LBH: variants seen among roughly 807,000 people sequenced by gnomAD.
LBH encodes LBH regulator of Wnt signaling pathway, also known as protein LBH.
Under a neutral mutation model 12.5 loss-of-function variants are expected in LBH, and 7 were observed. The ratio of observed to expected loss-of-function variants is 0.56; its 90% CI spans 0.32 to 1.05. The LOEUF (loss-of-function observed/expected upper bound fraction) is 1.05. Among genes scored for constraint, LBH ranks in the 50% least tolerant of loss-of-function variants. The pLI, the probability that LBH is intolerant of heterozygous loss-of-function variation, is 0.04. For synonymous variants in LBH, 51 were observed against 50.1 expected, an observed-to-expected ratio of 1.02 and a Z score of -0.08; for missense variants, 119 against 138.9, an observed-to-expected ratio of 0.86 and a Z score of 0.72.
chr2:30,254,281 T>C (rs13027149), intron 2 of LBH, among the ~76,000 whole-genome samples: 36,058 of 152,148 alleles, frequency 0.24, 4,696 homozygotes, highest in Middle Eastern at 0.32. Flanking sequence ...ATTATAACAC[T>C]ATACTGCAAC....
At chr2:30,248,409 G>A (rs1055196158) in intron 2 of LBH, among the ~76,000 whole-genome samples, 31 of 152,352 alleles carry the variant, frequency 2.0e-4, no homozygotes, top group African/African-American at 6.5e-4. Context: ...TGGAAGCTAC[G>A]TGGTGGGGGT....
chr2:30,241,087 G>T (rs1262277273), intron 2 of LBH, among the ~76,000 whole-genome samples: 1 of 152,176 alleles, frequency 6.6e-6, no homozygotes, highest in African/African-American at 2.4e-5. Flanking sequence ...GTTCAAACTG[G>T]ATTTAAGAGG....
intron 2 of LBH, among the ~76,000 whole-genome samples, chr2:30,253,020 C>A (rs1475130315): frequency 2.0e-5 from 3 of 152,216 alleles, no homozygotes; most frequent in African/African-American, 7.2e-5. Context: ...GAAGCAGTTT[C>A]TTTTGGGAAC....
chr2:30,232,548 A>G, intron 1 of LBH: 1 of 202,886 alleles, frequency 4.9e-6, no homozygotes, highest in Non-Finnish European at 9.9e-6. Flanking sequence ...GGGTTAGAGG[A>G]GAAGCGGCCG....
intron 2 of LBH, among the ~76,000 whole-genome samples, chr2:30,248,478 T>C (rs1431221555): frequency 6.6e-6 from 1 of 152,056 alleles, no homozygotes; most frequent in Non-Finnish European, 1.5e-5. Context: ...TATTCAAGAT[T>C]TGTGTTTCCA....
At position 30,257,824 on chromosome 2, in the gene LBH, GC is replaced by G. The variant is rs1193310235; in HGVS notation, c.*206del. ...TTTTTGAAATTTGCCGAGCAGTGGAGCCCTCTGACAATTTGCAAGGCCCTCT... is the reference window on the plus strand; with the variant it reads ...TTTTTGAAATTTGCCGAGCAGTGGAGCCTCTGACAATTTGCAAGGCCCTCT... On this transcript the variant is annotated 3_prime_UTR_variant, in exon 3 of 3. Coordinates refer to ENST00000395323, the MANE Select transcript of LBH (RefSeq NM_030915.4). 2.3e-6 allele frequency: 1 copy of G among 443,070 alleles called. No individual in the cohort carries two copies. Among genetic ancestry groups the G allele is most frequent in the Non-Finnish European group, 3.9e-6 (1 of 254,024 alleles). 27.4% of individuals were successfully genotyped at this position (443,070 alleles called of 1,614,324 possible).
chr2:30,245,213 A>G (rs1476583507), intron 2 of LBH, among the ~76,000 whole-genome samples: 1 of 152,232 alleles, frequency 6.6e-6, no homozygotes, highest in Non-Finnish European at 1.5e-5. Flanking sequence ...GAAAGTAAGA[A>G]TACAAGATTT....
intron 2 of LBH, among the ~76,000 whole-genome samples, chr2:30,246,021 C>T (rs548167073): frequency 3.3e-5 from 5 of 151,396 alleles, no homozygotes; most frequent in Non-Finnish European, 7.4e-5. Context: ...TGCAGTGGTG[C>T]CATCCCAGCT....
rs1678047293 is a variant in LBH, at chr2:30,254,591, T to TTCCTCCTCTCTTCCTCCTCC, written c.130-2835_130-2816dup. Among the ~76,000 whole-genome samples the TTCCTCCTCTCTTCCTCCTCC allele has an allele frequency of 2.6e-5, 4 of 151,062 alleles. No homozygotes were observed. In the East Asian group the frequency reaches 7.9e-4, roughly 30 times the overall value. ...CACCCCTCTCCTCCTCTTCGTCCTC[T>TTCCTCCTCTCTTCCTCCTCC]TCCTCCTCTCTTCCTCCTCCTCCTC... On this transcript the variant is annotated intron_variant, in intron 2 of 2. Coordinates refer to ENST00000395323, the MANE Select transcript of LBH (RefSeq NM_030915.4).
chr2:30,238,268 G>A (rs1285770085), intron 2 of LBH, among the ~76,000 whole-genome samples: 2 of 152,170 alleles, frequency 1.3e-5, no homozygotes, highest in African/African-American at 4.8e-5. Context: ...CACAGCAGCC[G>A]AGGCGTCTAC....
chr2:30,243,693 C>G (rs115612095), intron 2 of LBH, among the ~76,000 whole-genome samples: 8,016 of 152,004 alleles, frequency 0.053, 736 homozygotes, highest in African/African-American at 0.18. Context: ...ACATGCCCAG[C>G]TAGTTTTTGC....
At chr2:30,237,954 T>C (rs1350624717) in intron 2 of LBH, among the ~76,000 whole-genome samples, 2 of 152,194 alleles carry the variant, frequency 1.3e-5, no homozygotes, top group Non-Finnish European at 2.9e-5. Flanking sequence ...AGGATGTTGA[T>C]GTCCCTGATG....
chr2:30,236,105 G>A (rs1280689656), intron 2 of LBH, among the ~76,000 whole-genome samples: 1 of 152,206 alleles, frequency 6.6e-6, no homozygotes, highest in African/African-American at 2.4e-5. Flanking sequence ...TTTCGGTTCT[G>A]GGTTTTAGAT....
chr2:30,252,302 C>T (rs542985617), intron 2 of LBH, among the ~76,000 whole-genome samples: 10 of 152,264 alleles, frequency 6.6e-5, no homozygotes, highest in East Asian at 3.9e-4. Flanking sequence ...TGTTTGCTTC[C>T]GCTTCCACCA....
At chr2:30,242,219 C>T (rs1677802308) in intron 2 of LBH, among the ~76,000 whole-genome samples, 1 of 151,814 alleles carries the variant, frequency 6.6e-6, no homozygotes, top group South Asian at 2.1e-4. Flanking sequence ...TATACTGTTA[C>T]ATATATGTTA....
chr2:30,231,594 G>A lies in LBH; in HGVS notation c.-145G>A. The A allele has an allele frequency of 1.3e-6, 1 of 740,962 alleles. No homozygotes were observed. Among genetic ancestry groups the A allele is most frequent in the Admixed American group, 2.2e-5 (1 of 45,190 alleles). The allele number at this position is 740,962 out of a possible 1,614,324, so 45.9% of individuals were successfully genotyped here. ...ACCTTGCCGACGTCGCTAGCCGTGG[G>A]GCTGTCCTGGGAAGGCGGACGGCGA... On this transcript the variant is annotated 5_prime_UTR_variant, in exon 1 of 3. Transcript: ENST00000395323.
intron 2 of LBH, among the ~76,000 whole-genome samples, chr2:30,248,174 C>T (rs899162741): frequency 6.6e-6 from 1 of 152,166 alleles, no homozygotes; most frequent in East Asian, 1.9e-4. Flanking sequence ...TTGTTAGCCT[C>T]AATGCTGCAG....
chr2:30,257,532 G>A lies in LBH; in HGVS notation c.229G>A (p.Glu77Lys). The change falls in exon 3 of 3, where the codon GAG (glutamate) becomes AAG (lysine). Residue 77 changes from glutamate to lysine, a missense_variant. Coordinates refer to ENST00000395323, the MANE Select transcript of LBH (RefSeq NM_030915.4). ...EPTEGEVESG[E>K]LRWPPEEFLV... Reference sequence around the variant, plus strand: ...CACAGAAGGGGAGGTGGAGAGCGGGGAGCTCCGGTGGCCCCCTGAGGAGTT... The same window carrying A: ...CACAGAAGGGGAGGTGGAGAGCGGGAAGCTCCGGTGGCCCCCTGAGGAGTT... 6.2e-7 allele frequency: 1 copy of A among 1,614,214 alleles called. No individual in the cohort carries two copies. Among genetic ancestry groups the A allele is most frequent in the Non-Finnish European group, 8.5e-7 (1 of 1,180,038 alleles).
At chr2:30,245,527 A>C (rs1677856049) in intron 2 of LBH, among the ~76,000 whole-genome samples, 1 of 152,146 alleles carries the variant, frequency 6.6e-6, no homozygotes. Context: ...TATCACCTTG[A>C]TAAGGAATGT....
Sources: allele counts gnomAD v4.1 joint callset (sites outside exome capture counted in the v4.1 genomes callset), GRCh38; gene constraint gnomAD v4.1.1; transcripts MANE v1.5; gene names NCBI Gene and HGNC (gene_info 2026-07-23, HGNC 2026-07-21).